Variants in C4orf36 observed in about 807,000 individuals in gnomAD.
The protein encoded by C4orf36 is chromosome 4 open reading frame 36, also known as uncharacterized protein C4orf36.
Under a neutral mutation model 12.2 loss-of-function variants are expected in C4orf36, and 11 were observed. The observed-to-expected ratio is 0.90, with a 90% confidence interval of 0.57 to 1.49. C4orf36 has a LOEUF of 1.49. Among genes scored for constraint, C4orf36 ranks in the 40% most tolerant of loss-of-function variants. C4orf36 has a pLI of 0.00. For missense variants in C4orf36, 137 were observed against 133.9 expected (o/e 1.02, Z -0.11); for synonymous variants, 54 against 51.3 (o/e 1.05, Z -0.22).
the C4orf36 span, among the ~76,000 whole-genome samples, chr4:86,922,949 CTTT>C: frequency 1.2e-3 from 166 of 139,594 alleles, 1 homozygote; most frequent in African/African-American, 4.0e-3. Flanking sequence ...CTTCTTCTTC[CTTT>C]TTTTTTTTTT....
chr4:86,906,829 C>G, the C4orf36 span, among the ~76,000 whole-genome samples: 1 of 150,956 alleles, frequency 6.6e-6, no homozygotes, highest in African/African-American at 2.4e-5. Flanking sequence ...CACTTGAGGT[C>G]AGGAATTTGA....
At chr4:86,889,453 C>T (rs906363775) in intron 2 of C4orf36, among the ~76,000 whole-genome samples, 4 of 151,938 alleles carry the variant, frequency 2.6e-5, no homozygotes, top group Admixed American at 1.3e-4. Context: ...AGGATTGTGT[C>T]GATTTGGAAA....
upstream of C4orf36, among the ~76,000 whole-genome samples, chr4:86,895,933 C>T (rs1747582052): frequency 6.6e-6 from 1 of 152,216 alleles, no homozygotes; most frequent in African/African-American, 2.4e-5. Flanking sequence ...TTGCTGCCAC[C>T]TAGTGTTAAC....
chr4:86,913,783 G>T, the C4orf36 span: 2 of 1,292,474 alleles, frequency 1.5e-6, no homozygotes, highest in East Asian at 4.6e-5. Flanking sequence ...TGCCCAAAGG[G>T]CATCTTGCTG....
intron 2 of C4orf36, among the ~76,000 whole-genome samples, chr4:86,890,647 G>A (rs1284586913): frequency 1.3e-5 from 2 of 152,090 alleles, no homozygotes; most frequent in Non-Finnish European, 2.9e-5. Context: ...TAATCCCGTA[G>A]GGAATCCTCA....
In C4orf36 at chr4:86,876,401, G is replaced by A. The variant is rs1746929016; in HGVS notation, c.*45C>T. ...GGGCGGCCCAGGAGAAGCAGTTCCC[G>A]CCGGCGCTGCTGAGTTTCTTCATCT... is the stretch of plus-strand genomic sequence containing the variant. On this transcript the variant is annotated 3_prime_UTR_variant, in exon 5 of 5. Coordinates refer to ENST00000295898, the MANE Select transcript of C4orf36 (RefSeq NM_144645.4). 9 of 1,610,802 alleles carry A rather than the reference G, an allele frequency of 5.6e-6. No homozygotes were observed. The highest frequency in any genetic ancestry group is 6.8e-6 in the Non-Finnish European group (8 of 1,178,706).
intron 2 of C4orf36, chr4:86,890,276 A>G (rs1369551237): frequency 2.6e-6 from 1 of 384,592 alleles, no homozygotes; most frequent in African/African-American, 2.1e-5. Context: ...CAAGGTCACA[A>G]AGCCATTGGT....
At chr4:86,914,553 A>C in the C4orf36 span, 1 of 417,248 alleles carries the variant, frequency 2.4e-6, no homozygotes, top group African/African-American at 2.1e-5. Context: ...GGCGCCCGCC[A>C]CACCATGCCT....
chr4:86,901,783 G>A, the C4orf36 span, among the ~76,000 whole-genome samples: 7 of 152,090 alleles, frequency 4.6e-5, no homozygotes, highest in African/African-American at 1.2e-4. Context: ...CATGACCTTC[G>A]TGCTCTTTCT....
intron 3 of C4orf36, 34 bp downstream of exon 3, chr4:86,888,087 T>C: frequency 1.2e-6 from 2 of 1,600,232 alleles, no homozygotes; most frequent in Non-Finnish European, 1.7e-6. Flanking sequence ...ACACTGAATT[T>C]ATAACTTATT....
chr4:86,891,833 ACT>A (rs1267492730), intron 1 of C4orf36, among the ~76,000 whole-genome samples: 1 of 152,080 alleles, frequency 6.6e-6, no homozygotes. Flanking sequence ...TCGGTGTCGC[ACT>A]CTCTGCCCTT....
chr4:86,922,874 C>T, the C4orf36 span, among the ~76,000 whole-genome samples: 2 of 152,038 alleles, frequency 1.3e-5, no homozygotes, highest in African/African-American at 4.8e-5. Context: ...TCTTCCAAGT[C>T]TGTTACTCCC....
In C4orf36 at chr4:86,887,816, GAA is replaced by G; in HGVS notation, c.296_297del (p.Ile99ThrfsTer18). 1.9e-6 allele frequency: 3 copies of G among 1,614,210 alleles called. No homozygotes were observed. Among genetic ancestry groups the G allele is most frequent in the Non-Finnish European group, 2.5e-6 (3 of 1,180,030 alleles). On this transcript the variant is annotated frameshift_variant, in exon 4 of 5. Coordinates refer to ENST00000295898, the MANE Select transcript of C4orf36 (RefSeq NM_144645.4). LOFTEE classifies it high-confidence loss of function. The stretch of plus-strand genomic sequence containing the variant: ...GCTGGCCTTTCCCTCAGGAGAAGCT[GAA>G]TTTCCTTAGATGTATTTTCTTGACA... ...LKCQENTSKEIQLLLRERPAG... is the reference protein window; with the variant it reads ...LKCQENTSKEXQLLLRERPAG...
chr4:86,885,323 T>C (rs1356083588), intron 4 of C4orf36, among the ~76,000 whole-genome samples: 14 of 152,142 alleles, frequency 9.2e-5, no homozygotes, highest in African/African-American at 1.4e-4. Flanking sequence ...ATTCTTCCTA[T>C]CCATGAGCAT....
At chr4:86,932,761 T>G in the C4orf36 span, among the ~76,000 whole-genome samples, 38 of 60,940 alleles carry the variant, frequency 6.2e-4, 1 homozygote, top group South Asian at 0.022. Flanking sequence ...AAGGGAGATT[T>G]ATTTGGGGGG....
the C4orf36 span, among the ~76,000 whole-genome samples, chr4:86,908,676 ATCAT>A: frequency 6.7e-6 from 1 of 149,166 alleles, no homozygotes; most frequent in Non-Finnish European, 1.5e-5. Flanking sequence ...CCTCCTGAAG[ATCAT>A]TTATTTAGTA....
At chr4:86,927,183 G>T in the C4orf36 span, among the ~76,000 whole-genome samples, 1 of 152,152 alleles carries the variant, frequency 6.6e-6, no homozygotes, top group Non-Finnish European at 1.5e-5. Flanking sequence ...CTTGTTGAAT[G>T]AATGAATACA....
At chr4:86,893,139 G>A (rs1747495369), upstream of C4orf36, among the ~76,000 whole-genome samples, 2 of 152,192 alleles carry the variant, frequency 1.3e-5, no homozygotes, top group South Asian at 2.1e-4. Context: ...AATTGATTGT[G>A]AGCCTAAAAA....
chr4:86,914,840 AG>A, the C4orf36 span: 2,281 of 446,750 alleles, frequency 5.1e-3, 12 homozygotes, highest in Non-Finnish European at 6.1e-3. Context: ...TTCAAAGGAG[AG>A]AAAGCTGGGG....
Sources: gnomAD v4.1 joint callset for allele counts (sites outside exome capture counted in the v4.1 genomes callset) on GRCh38, gnomAD v4.1.1 for gene constraint, MANE v1.5 for transcripts, NCBI Gene and HGNC (gene_info 2026-07-23, HGNC 2026-07-21) for gene names.